The following THSD4 variants were observed in gnomAD, a reference collection of about 807,000 sequenced individuals.
THSD4 encodes the protein thrombospondin type 1 domain containing 4, also known as thrombospondin type-1 domain-containing protein 4.
In THSD4, 69 loss-of-function variants were observed where a neutral mutation model predicts 119.0. That is an observed-to-expected ratio of 0.58 (90% CI 0.48 to 0.71). THSD4 has a LOEUF of 0.71. THSD4 is among the 30% of genes least tolerant of loss of function. The pLI, the probability that THSD4 is intolerant of heterozygous loss-of-function variation, is 0.00. For missense variants in THSD4, 1,393 were observed against 1,391.1 expected (o/e 1.00, Z -0.02); for synonymous variants, 524 against 540.4 (o/e 0.97, Z 0.42).
At chr15:71,617,186 CTA>C in intron 7 of THSD4, among the ~76,000 whole-genome samples, 1 of 152,304 alleles carries the variant, frequency 6.6e-6, no homozygotes, top group East Asian at 1.9e-4. Context: ...CTCAAATTTC[CTA>C]TCCTCCAGTT....
chr15:71,258,950 T>TA (rs113397143), intron 6 of THSD4, among the ~76,000 whole-genome samples: 3,451 of 151,784 alleles, frequency 0.023, 55 homozygotes, highest in African/African-American at 0.046. Flanking sequence ...CCGTCTCTGC[T>TA]AAAAAATAGA....
intron 8 of THSD4, among the ~76,000 whole-genome samples, chr15:71,687,876 A>G (rs960669674): frequency 6.6e-6 from 1 of 152,198 alleles, no homozygotes; most frequent in South Asian, 2.1e-4. Context: ...CCAATATGCA[A>G]ATTAACCTGT....
At chr15:71,362,978 A>G (rs1256116155) in intron 6 of THSD4, among the ~76,000 whole-genome samples, 1 of 152,132 alleles carries the variant, frequency 6.6e-6, no homozygotes, top group African/African-American at 2.4e-5. Context: ...GCTAAAAAAA[A>G]AAAAAAAAAA....
At chr15:71,520,339 C>T (rs1177754645) in intron 7 of THSD4, among the ~76,000 whole-genome samples, 1 of 152,114 alleles carries the variant, frequency 6.6e-6, no homozygotes, top group Non-Finnish European at 1.5e-5. Flanking sequence ...ATGCCATTTG[C>T]CCTGAATGAC....
At chr15:71,451,248 A>G (rs2047260463) in intron 7 of THSD4, among the ~76,000 whole-genome samples, 1 of 152,190 alleles carries the variant, frequency 6.6e-6, no homozygotes, top group African/African-American at 2.4e-5. Flanking sequence ...AGGGAACTGT[A>G]TGGTGAATAA....
intron 3 of THSD4, among the ~76,000 whole-genome samples, chr15:71,180,295 C>G (rs2043503285): frequency 6.6e-6 from 1 of 151,822 alleles, no homozygotes; most frequent in Non-Finnish European, 1.5e-5. Context: ...TTACAAAATT[C>G]AACAACGAAG....
Position 71,778,781 on chromosome 15 carries a change from C to G in THSD4, c.*1407C>G, listed in dbSNP as rs2053956411. 6.6e-6 allele frequency: 1 copy of G among 152,304 alleles called. No homozygotes were observed. The allele number at this position is 152,304 out of a possible 1,614,324, so 9.4% of individuals were successfully genotyped here. A position where few individuals can be genotyped will look rare whatever the true frequency, so the allele number is the denominator to read the frequency against. On this transcript the variant is annotated 3_prime_UTR_variant, in exon 18 of 18. Transcript: ENST00000261862. ...AGGAGCTGTGGACCCTTCCCCATCTCTTCCAATTCACTTTCCCCAACTATC... is the reference window on the plus strand; with the variant it reads ...AGGAGCTGTGGACCCTTCCCCATCTGTTCCAATTCACTTTCCCCAACTATC...
At chr15:71,672,662 A>G (rs1306207506) in intron 8 of THSD4, among the ~76,000 whole-genome samples, 6 of 152,232 alleles carry the variant, frequency 3.9e-5, no homozygotes, top group African/African-American at 1.4e-4. Flanking sequence ...GATACATTCC[A>G]TCAGTACCTA....
chr15:71,118,670 T>C (rs1310084407), intron 1 of THSD4, among the ~76,000 whole-genome samples: 1 of 152,228 alleles, frequency 6.6e-6, no homozygotes, highest in East Asian at 1.9e-4. Context: ...TCCCATCTTT[T>C]TCTTTGCGTG....
chr15:71,116,924 A>G (rs976711087), intron 1 of THSD4, among the ~76,000 whole-genome samples: 1 of 152,154 alleles, frequency 6.6e-6, no homozygotes, highest in Non-Finnish European at 1.5e-5. Flanking sequence ...GAACTCTTCA[A>G]TTCCTATAGA....
intron 3 of THSD4, among the ~76,000 whole-genome samples, chr15:71,213,264 G>T (rs894747285): frequency 2.6e-5 from 4 of 152,152 alleles, no homozygotes; most frequent in South Asian, 2.1e-4. Flanking sequence ...CTCTGTGTCC[G>T]TGTCTTCTCT....
At chr15:71,518,130 A>G (rs1345324022) in intron 7 of THSD4, among the ~76,000 whole-genome samples, 1 of 152,210 alleles carries the variant, frequency 6.6e-6, no homozygotes, top group Non-Finnish European at 1.5e-5. Flanking sequence ...GCTCAATTCC[A>G]TGAAATAGAC....
intron 6 of THSD4, among the ~76,000 whole-genome samples, chr15:71,313,972 C>A (rs936638417): frequency 6.6e-6 from 1 of 152,118 alleles, no homozygotes; most frequent in Non-Finnish European, 1.5e-5. Flanking sequence ...TGCTCTGATA[C>A]GGATGATGAG....
intron 7 of THSD4, among the ~76,000 whole-genome samples, chr15:71,470,957 A>G (rs2047569436): frequency 6.6e-6 from 1 of 152,214 alleles, no homozygotes; most frequent in African/African-American, 2.4e-5. Context: ...TTAAACTCAT[A>G]TATAGTTTGA....
intron 8 of THSD4, among the ~76,000 whole-genome samples, chr15:71,726,696 G>T (rs893663060): frequency 2.6e-5 from 4 of 152,288 alleles, no homozygotes; most frequent in African/African-American, 9.6e-5. Flanking sequence ...CCAGCACTTT[G>T]GGAGGCTGAG....
intron 6 of THSD4, among the ~76,000 whole-genome samples, chr15:71,386,135 A>C (rs772370548): frequency 8.5e-5 from 13 of 152,218 alleles, no homozygotes; most frequent in Non-Finnish European, 1.6e-4. Context: ...AACGTACAGA[A>C]AAGCAACACC....
At chr15:71,367,686 A>T (rs936060529) in intron 6 of THSD4, among the ~76,000 whole-genome samples, 4 of 152,136 alleles carry the variant, frequency 2.6e-5, no homozygotes, top group South Asian at 2.1e-4. Context: ...TCTATCATTG[A>T]TGGACATTTG....
intron 6 of THSD4, among the ~76,000 whole-genome samples, chr15:71,332,175 A>G (rs767044888): frequency 1.3e-5 from 2 of 152,134 alleles, no homozygotes; most frequent in African/African-American, 2.4e-5. Context: ...GGGTTCCGCT[A>G]TTGCCTCTGG....
At chr15:71,114,506 A>T (rs1459200276), upstream of THSD4, among the ~76,000 whole-genome samples, 1 of 152,138 alleles carries the variant, frequency 6.6e-6, no homozygotes, top group African/African-American at 2.4e-5. Context: ...GGGAAAGAAG[A>T]GACAGTTCCT....
Sources: gnomAD v4.1 joint callset for allele counts (sites outside exome capture counted in the v4.1 genomes callset) on GRCh38, gnomAD v4.1.1 for gene constraint, MANE v1.5 for transcripts, NCBI Gene and HGNC (gene_info 2026-07-23, HGNC 2026-07-21) for gene names.